The following COL6A6 variants were observed in gnomAD, a reference collection of about 807,000 sequenced individuals.
COL6A6 encodes collagen type VI alpha 6 chain.
In COL6A6, 183 loss-of-function variants were observed where a neutral mutation model predicts 208.6. The observed-to-expected ratio is 0.88, with a 90% confidence interval of 0.78 to 0.99. COL6A6 has a LOEUF of 0.99. COL6A6 is among the 50% of genes least tolerant of loss of function. The pLI, the probability that COL6A6 is intolerant of heterozygous loss-of-function variation, is 0.00. For synonymous variants in COL6A6, 973 were observed against 1,011.8 expected (o/e 0.96, Z 0.73); for missense variants, 2,816 against 2,815.2 (o/e 1.00, Z -0.01).
intron 24 of COL6A6, 64 bp downstream of exon 24, chr3:130,621,947 T>A (rs889060153): frequency 1.9e-5 from 26 of 1,364,602 alleles, no homozygotes; most frequent in Admixed American, 1.4e-4. Flanking sequence ...TGTGTCTAAT[T>A]GTATTAGCCA....
At chr3:130,555,659 A>G (rs1200963111) in intron 1 of COL6A6, among the ~76,000 whole-genome samples, 3 of 152,178 alleles carry the variant, frequency 2.0e-5, no homozygotes, top group Non-Finnish European at 4.4e-5. Flanking sequence ...GATTTTTAAA[A>G]TATATCTTCT....
In COL6A6 at chr3:130,542,873, G is replaced by A. The variant is rs911989294; in HGVS notation, c.-31-17461G>A. Among the ~76,000 whole-genome samples, 6 of 140,710 alleles carry A rather than the reference G, an allele frequency of 4.3e-5. No individual in the cohort carries two copies. In the East Asian group the frequency reaches 1.1e-3, roughly 25 times the overall value. The allele number at this position is 140,710 out of a possible 152,430, so 92.3% of individuals were successfully genotyped here. On this transcript the variant is annotated intron_variant, in intron 1 of 36. Transcript: ENST00000358511. ...CTTTATTTTGCTTAGTGTTAACATA[G>A]TACATGTTTCTCCATCCATTCACTC... is the stretch of plus-strand genomic sequence containing the variant.
chr3:130,618,800 A>G (rs2064615349), intron 23 of COL6A6, among the ~76,000 whole-genome samples: 1 of 152,190 alleles, frequency 6.6e-6, no homozygotes, highest in South Asian at 2.1e-4. Flanking sequence ...GACATTTTTT[A>G]TTTTGAAAGT....
intron 8 of COL6A6, among the ~76,000 whole-genome samples, chr3:130,577,766 G>T (rs1157213603): frequency 6.6e-6 from 1 of 152,230 alleles, no homozygotes; most frequent in Non-Finnish European, 1.5e-5. Context: ...TGTGTCTTAT[G>T]AGGAGAAGTG....
At chr3:130,661,253 T>C (rs893229610) in intron 34 of COL6A6, among the ~76,000 whole-genome samples, 4 of 152,218 alleles carry the variant, frequency 2.6e-5, no homozygotes, top group African/African-American at 9.6e-5. Flanking sequence ...AATATAAGCG[T>C]AGTGATAATA....
intron 1 of COL6A6, among the ~76,000 whole-genome samples, chr3:130,546,372 A>T (rs2062497122): frequency 6.6e-6 from 1 of 152,130 alleles, no homozygotes; most frequent in South Asian, 2.1e-4. Context: ...TGGCCTCAGG[A>T]GTGAAGCTGC....
rs780282435 is a variant in COL6A6, at chr3:130,570,893, A to T, written c.2477A>T (p.Asn826Ile). Residue 826 changes from asparagine to isoleucine, a missense_variant, in exon 7 of 37, where the codon AAT becomes ATT. Asn to Ile is a moderately radical substitution (Grantham distance 149). Transcript: ENST00000358511. ...SSGSIDYDEY[N>I]IMKDFMIGLV... is the part of the protein sequence containing the mutation. The stretch of plus-strand genomic sequence containing the variant: ...GGCAGTATTGACTATGATGAGTATA[A>T]TATCATGAAGGATTTTATGATTGGC... 6.2e-7 allele frequency: 1 copy of T among 1,613,940 alleles called. No homozygotes were observed.
At chr3:130,584,053 T>C (rs2063482785) in intron 10 of COL6A6, among the ~76,000 whole-genome samples, 1 of 152,298 alleles carries the variant, frequency 6.6e-6, no homozygotes. Flanking sequence ...TTTTTAGAAT[T>C]GAATACCCTA....
chr3:130,527,018 C>G (rs1033967690), intron 1 of COL6A6, among the ~76,000 whole-genome samples: 2 of 152,204 alleles, frequency 1.3e-5, no homozygotes, highest in Admixed American at 6.5e-5. Flanking sequence ...GGCCTCAGCT[C>G]AGACTAGAAC....
At chr3:130,596,730 AAC>A (rs1368491664) in intron 18 of COL6A6, among the ~76,000 whole-genome samples, 1 of 152,244 alleles carries the variant, frequency 6.6e-6, no homozygotes, top group Non-Finnish European at 1.5e-5. Flanking sequence ...TAATGGGTGC[AAC>A]ACACCAACAT....
At chr3:130,626,220 A>C (rs1053759955) in intron 24 of COL6A6, among the ~76,000 whole-genome samples, 1 of 152,346 alleles carries the variant, frequency 6.6e-6, no homozygotes, top group East Asian at 1.9e-4. Flanking sequence ...TTTTTAAAAC[A>C]GTATAGAGCT....
chr3:130,592,505 T>C (rs1022841241), intron 13 of COL6A6, 36 bp from the exon 14 acceptor site: 4 of 1,499,470 alleles, frequency 2.7e-6, no homozygotes, highest in Non-Finnish European at 3.6e-6. Context: ...CAGATTACAA[T>C]AGAAAAAGCT....
chr3:130,656,301 A>C (rs1331161619), intron 33 of COL6A6, among the ~76,000 whole-genome samples: 1 of 152,190 alleles, frequency 6.6e-6, no homozygotes, highest in Non-Finnish European at 1.5e-5. Flanking sequence ...AGACAAGTGG[A>C]GGGTGAACAA....
intron 36 of COL6A6, among the ~76,000 whole-genome samples, chr3:130,669,636 G>A (rs77767159): frequency 9.2e-5 from 14 of 152,130 alleles, no homozygotes; most frequent in Middle Eastern, 3.4e-3. Context: ...TGAGCTAAGC[G>A]TTGATCTGAA....
In COL6A6 at chr3:130,574,146, T is replaced by C. The variant is rs756903319; in HGVS notation, c.3168T>C (p.Thr1056=). The change falls in exon 8 of 37, where the codon ACT becomes ACC. Residue 1056 remains threonine, a synonymous_variant. Transcript: ENST00000358511. The part of the protein sequence containing the change: ...DTYHPEFPLG[T]FIGEKEISFQ... ...ATCACCCGGAGTTTCCACTGGGAAC[T>C]TTCATAGGTGAAAAAGAGATATCAT... 26 of 1,613,920 alleles carry C rather than the reference T, an allele frequency of 1.6e-5. No homozygotes were observed. The highest frequency in any genetic ancestry group is 1.9e-5 in the Non-Finnish European group (22 of 1,179,902).
intron 28 of COL6A6, 55 bp from the exon 29 acceptor site, chr3:130,641,597 C>T (rs2065309322): frequency 4.0e-6 from 3 of 749,588 alleles, no homozygotes; most frequent in African/African-American, 3.6e-5. Flanking sequence ...TTTGAATTTA[C>T]ACACACACAT....
rs184485180 is a variant in COL6A6 at position 130,668,723 on chromosome 3, A to G, written c.6596+3627A>G. Among the ~76,000 whole-genome samples, 47 of 152,328 alleles carry G rather than the reference A, an allele frequency of 3.1e-4. No individual in the cohort carries two copies. In the East Asian group the frequency reaches 6.0e-3, roughly 19 times the overall value. ...AAGATAAAACAATTTTAAATTGATG[A>G]GGGTCGTAAAACCTTAAAATAGACA... On this transcript the variant is annotated intron_variant, in intron 36 of 36. Transcript: ENST00000358511.
intron 5 of COL6A6, 100 bp downstream of exon 5, chr3:130,567,362 A>T (rs1437259024): frequency 1.1e-6 from 1 of 929,338 alleles, no homozygotes; most frequent in East Asian, 2.6e-5. Context: ...TAAATTACTA[A>T]GTTGAGATTT....
chr3:130,569,300 C>T (rs1560005484), intron 6 of COL6A6, among the ~76,000 whole-genome samples: 1 of 152,212 alleles, frequency 6.6e-6, no homozygotes, highest in Non-Finnish European at 1.5e-5. Flanking sequence ...AGTAAGAGGA[C>T]TTGAGCAACG....
Sources: allele counts gnomAD v4.1 joint callset (sites outside exome capture counted in the v4.1 genomes callset), GRCh38; gene constraint gnomAD v4.1.1; transcripts MANE v1.5; gene names NCBI Gene and HGNC (gene_info 2026-07-23, HGNC 2026-07-21).